The following ACER2 variants were observed in gnomAD, a reference collection of about 807,000 sequenced individuals.
The protein encoded by ACER2 is alkaline ceramidase 2, also known as alkCDase 2.
Under a neutral mutation model 34.7 loss-of-function variants are expected in ACER2, and 26 were observed. That is an observed-to-expected ratio of 0.75 (90% CI 0.55 to 1.04). The LOEUF (loss-of-function observed/expected upper bound fraction) is 1.04. ACER2 is among the 50% of genes least tolerant of loss of function. ACER2 has a pLI of 0.00. For missense variants in ACER2, 352 were observed against 340.8 expected (o/e 1.03, Z -0.26); for synonymous variants, 138 against 132.1 (o/e 1.04, Z -0.31).
chr9:19,437,710 C>T (rs529842642), intron 4 of ACER2, among the ~76,000 whole-genome samples: 1 of 152,070 alleles, frequency 6.6e-6, no homozygotes, highest in Non-Finnish European at 1.5e-5. Flanking sequence ...TCTTCTCCCC[C>T]TGAAATGCCC....
intron 1 of ACER2, among the ~76,000 whole-genome samples, chr9:19,417,708 C>T (rs555989980): frequency 6.6e-6 from 1 of 152,126 alleles, no homozygotes; most frequent in East Asian, 1.9e-4. Flanking sequence ...AAAATTAACT[C>T]AAGATGAATT....
Position 19,450,456 on chromosome 9 carries a change from C to A in ACER2, c.648C>A (p.Ile216=). 1.3e-6 allele frequency: 2 copies of A among 1,596,230 alleles called. No individual in the cohort carries two copies. The highest frequency in any genetic ancestry group is 1.7e-6 in the Non-Finnish European group (2 of 1,165,674). The change falls in exon 6 of 6, where the codon ATC becomes ATA. Residue 216 remains isoleucine, a synonymous_variant. Transcript: ENST00000340967. ...CTCTTGTCTCCCTCTGCAGGCACAT[C>A]CTCATCTGCCTTGCTGCCTACCTGG... is the stretch of plus-strand genomic sequence containing the variant. ...NFPYLHCMWH[I]LICLAAYLGC...
intron 3 of ACER2, among the ~76,000 whole-genome samples, chr9:19,425,943 G>A (rs1830545542): frequency 1.3e-5 from 2 of 152,210 alleles, no homozygotes; most frequent in Admixed American, 6.5e-5. Context: ...AAAAGGAACA[G>A]GAGCTGTGAA....
At chr9:19,432,399 G>T (rs1231737722) in intron 3 of ACER2, among the ~76,000 whole-genome samples, 2 of 151,984 alleles carry the variant, frequency 1.3e-5, no homozygotes, top group African/African-American at 4.8e-5. Flanking sequence ...TTGTAGAACG[G>T]GGGGTGACAA....
chr9:19,435,560 A>G (rs902475547), intron 4 of ACER2, among the ~76,000 whole-genome samples: 1 of 152,218 alleles, frequency 6.6e-6, no homozygotes, highest in Non-Finnish European at 1.5e-5. Flanking sequence ...TGCTCTTTGC[A>G]TTAGCATTTT....
chr9:19,423,500 G>A (rs1021178340), intron 1 of ACER2, among the ~76,000 whole-genome samples: 2 of 152,124 alleles, frequency 1.3e-5, no homozygotes, highest in Non-Finnish European at 2.9e-5. Context: ...TGGGAGTTCC[G>A]AGACCAGCCC....
Position 19,446,466 on chromosome 9 carries a change from C to G in ACER2, c.641+48C>G, listed in dbSNP as rs1831368343. The G allele has an allele frequency of 1.9e-6, 3 of 1,612,078 alleles. No individual in the cohort carries two copies. In the South Asian group the frequency reaches 3.3e-5, roughly 18 times the overall value. The stretch of plus-strand genomic sequence containing the variant: ...GTGGCCGGGGACAGGTGTGTTTGCA[C>G]TTGCTGTTGGGCTCTGTTCACCCTG... On this transcript the variant is annotated intron_variant, in intron 5 of 5. Transcript: ENST00000340967.
chr9:19,438,717 G>C (rs1831050389), intron 4 of ACER2, among the ~76,000 whole-genome samples: 1 of 152,222 alleles, frequency 6.6e-6, no homozygotes, highest in South Asian at 2.1e-4. Context: ...TGTAACTCTT[G>C]AGTGTAATAA....
chr9:19,422,635 T>G (rs1830439766), intron 1 of ACER2, among the ~76,000 whole-genome samples: 1 of 151,370 alleles, frequency 6.6e-6, no homozygotes, highest in Non-Finnish European at 1.5e-5. Context: ...CTGGCTTGGC[T>G]GGGGAGGATT....
At chr9:19,443,710 G>C (rs1205510475) in intron 4 of ACER2, among the ~76,000 whole-genome samples, 1 of 152,088 alleles carries the variant, frequency 6.6e-6, no homozygotes, top group Non-Finnish European at 1.5e-5. Context: ...TCAGGCTGGA[G>C]CAGTGGTGCG....
intron 4 of ACER2, among the ~76,000 whole-genome samples, chr9:19,445,165 C>T (rs1042519577): frequency 2.6e-5 from 4 of 152,226 alleles, no homozygotes; most frequent in African/African-American, 4.8e-5. Context: ...CCCAGGTGTT[C>T]GTCCCCAGGG....
chr9:19,438,169 C>A (rs2132512740), intron 4 of ACER2, among the ~76,000 whole-genome samples: 1 of 152,320 alleles, frequency 6.6e-6, no homozygotes, highest in South Asian at 2.1e-4. Context: ...ATTTACTTCA[C>A]TTACTTAGGT....
chr9:19,444,709 G>C (rs958810334), intron 4 of ACER2, among the ~76,000 whole-genome samples: 2 of 152,204 alleles, frequency 1.3e-5, no homozygotes, highest in African/African-American at 2.4e-5. Flanking sequence ...GTCAAGGTGA[G>C]AGATGAGCTC....
intron 4 of ACER2, among the ~76,000 whole-genome samples, chr9:19,439,256 C>T (rs552933069): frequency 1.2e-4 from 19 of 152,022 alleles, no homozygotes; most frequent in African/African-American, 4.3e-4. Flanking sequence ...TGGTCTTCTA[C>T]GAATTGATTA....
In ACER2 at chr9:19,451,555, G is replaced by T. The variant is rs142441473; in HGVS notation, c.*919G>T. The T allele has an allele frequency of 0.011, 1,686 of 152,662 alleles. 33 individuals carry two copies. The highest frequency in any genetic ancestry group is 0.022 in the East Asian group (113 of 5,180). The allele number at this position is 152,662 out of a possible 1,614,324, so 9.5% of individuals were successfully genotyped here. ...TCCACTTTAGGCCCTTCTTGAAGAT[G>T]AGCACAATTTTTAAATACTGAGCAC... On this transcript the variant is annotated 3_prime_UTR_variant, in exon 6 of 6. Transcript: ENST00000340967.
In ACER2 at chr9:19,450,443, T is replaced by G; in HGVS notation, c.642-7T>G. 6.3e-7 allele frequency: 1 copy of G among 1,584,390 alleles called. No homozygotes were observed. Among genetic ancestry groups the G allele is most frequent in the South Asian group, 1.1e-5 (1 of 88,960 alleles). On this transcript the variant is annotated splice_polypyrimidine_tract_variant and splice_region_variant and intron_variant, in intron 5 of 5. Transcript: ENST00000340967. ...ATCAGGTTCTCACCTCTTGTCTCCC[T>G]CTGCAGGCACATCCTCATCTGCCTT... is the stretch of plus-strand genomic sequence containing the variant.
At chr9:19,431,199 A>G (rs952393296) in intron 3 of ACER2, among the ~76,000 whole-genome samples, 4 of 152,234 alleles carry the variant, frequency 2.6e-5, no homozygotes, top group Admixed American at 1.3e-4. Context: ...GAATTTTATT[A>G]GTACATAATA....
At chr9:19,446,493 A>T in intron 5 of ACER2, 75 bp downstream of exon 5, 1 of 1,601,548 alleles carries the variant, frequency 6.2e-7, no homozygotes, top group Non-Finnish European at 8.5e-7. Context: ...TTCACCCTGC[A>T]AGTGGTGCAC....
chr9:19,413,327 G>T (rs541191771), intron 1 of ACER2, among the ~76,000 whole-genome samples: 2 of 152,126 alleles, frequency 1.3e-5, no homozygotes, highest in Non-Finnish European at 2.9e-5. Context: ...GGCTGGGCGC[G>T]GTGGCTCACG....
Sources: allele counts gnomAD v4.1 joint callset (sites outside exome capture counted in the v4.1 genomes callset), GRCh38; gene constraint gnomAD v4.1.1; transcripts MANE v1.5; gene names NCBI Gene and HGNC (gene_info 2026-07-23, HGNC 2026-07-21).